The following TNIP1 variants were observed in gnomAD, a reference collection of about 807,000 sequenced individuals.
TNIP1 encodes TNFAIP3 interacting protein 1.
Under a neutral mutation model 86.6 loss-of-function variants are expected in TNIP1, and 22 were observed. The ratio of observed to expected loss-of-function variants is 0.25; its 90% confidence interval spans 0.18 to 0.36. The LOEUF (loss-of-function observed/expected upper bound fraction) is 0.36. TNIP1 is among the 10% of genes least tolerant of loss of function. TNIP1 has a pLI of 1.00. For missense variants in TNIP1, 709 were observed against 820.6 expected, an observed-to-expected ratio of 0.86 and a Z score of 1.66; for synonymous variants, 294 against 313.0, an observed-to-expected ratio of 0.94 and a Z score of 0.64.
rs931571132 is a variant in TNIP1, at chr5:151,064,590, G to A, written c.136+370C>T. Among the ~76,000 whole-genome samples, 33 of 15,420 alleles carry A rather than the reference G, an allele frequency of 2.1e-3. 1 individual carries two copies. The highest frequency in any genetic ancestry group is 0.022 in the Middle Eastern group (1 of 46). 10.1% of individuals were successfully genotyped at this position (15,420 alleles called of 152,430 possible). ...GCTCCCTGCTCCAACACCTAGGAAC[G>A]CGTGCCCCAGTTGCCTGGTCATGCT... On this transcript the variant is annotated intron_variant, in intron 2 of 17. Coordinates refer to ENST00000521591, the MANE Select transcript of TNIP1 (RefSeq NM_006058.5).
chr5:151,044,339 A>T (rs1218061797), intron 9 of TNIP1, among the ~76,000 whole-genome samples: 1 of 152,064 alleles, frequency 6.6e-6, no homozygotes, highest in Non-Finnish European at 1.5e-5. Flanking sequence ...ACCACGCCTG[A>T]CCCAGTTAAT....
At chr5:151,036,650 G>T in intron 13 of TNIP1, 140 bp downstream of exon 13, 1 of 1,271,156 alleles carries the variant, frequency 7.9e-7, no homozygotes, top group Non-Finnish European at 1.1e-6. Flanking sequence ...TAAACCTAGA[G>T]CCAGTGGGGG....
At chr5:151,073,601 C>A (rs533261105) in intron 1 of TNIP1, among the ~76,000 whole-genome samples, 6 of 110,474 alleles carry the variant, frequency 5.4e-5, no homozygotes, top group Non-Finnish European at 1.0e-4. Context: ...TGTGTGTATA[C>A]ATACGGAATC....
intron 12 of TNIP1, among the ~76,000 whole-genome samples, chr5:151,038,393 T>C (rs1325890188): frequency 2.0e-5 from 3 of 151,882 alleles, no homozygotes; most frequent in Non-Finnish European, 4.4e-5. Flanking sequence ...CTTTGAAATG[T>C]GCTGGAAAGC....
chr5:151,045,940 G>A lies in TNIP1; in HGVS notation c.857C>T (p.Thr286Met), dbSNP rs185683917. 287 of 1,613,958 alleles carry A rather than the reference G, an allele frequency of 1.8e-4. No individual in the cohort carries two copies. The East Asian group carries it at 2.7e-3, about 15-fold the overall frequency. ...CACCACCTCTGGGACCTTACCTGCC[G>A]TCACACTAGCCTGGGGAGAAGCACA... ...AVAGQQQASV[T>M]AGKVPEVVAL... The change falls in exon 9 of 18, where the codon ACG (threonine) becomes ATG (methionine). Residue 286 changes from threonine to methionine, a missense_variant. By Grantham distance (81) the Thr-to-Met change is moderately conservative. Coordinates refer to ENST00000521591, the MANE Select transcript of TNIP1 (RefSeq NM_006058.5).
At chr5:151,055,858 G>C (rs1016249596) in intron 6 of TNIP1, among the ~76,000 whole-genome samples, 4 of 152,220 alleles carry the variant, frequency 2.6e-5, no homozygotes, top group African/African-American at 9.6e-5. Context: ...ATCACGAGCA[G>C]TCCCTCAGAA....
intron 1 of TNIP1, among the ~76,000 whole-genome samples, chr5:151,075,401 T>C (rs1763273715): frequency 6.6e-6 from 1 of 152,204 alleles, no homozygotes; most frequent in Non-Finnish European, 1.5e-5. Context: ...GCAGGTTTGC[T>C]ACCTGGGTAT....
At chr5:151,068,255 C>A (rs764000710) in intron 1 of TNIP1, among the ~76,000 whole-genome samples, 3 of 152,180 alleles carry the variant, frequency 2.0e-5, no homozygotes, top group Non-Finnish European at 4.4e-5. Context: ...GTTCTGCTGA[C>A]CTCATGCCCA....
At position 151,036,827 on chromosome 5, in the gene TNIP1, T is replaced by C. The variant is rs1757767000; in HGVS notation, c.1358A>G (p.Gln453Arg). Residue 453 changes from glutamine to arginine, a missense_variant, in exon 13 of 18, where the codon CAG becomes CGG. Transcript: ENST00000521591. ...CAACTCATTCTGCGTGACCAGCTCC[T>C]GTTTCCTTAGGAGGGCCCCTGCTCC... ...PEGAGALLRK[Q>R]ELVTQNELLK... 1.9e-6 allele frequency: 3 copies of C among 1,614,124 alleles called. No individual in the cohort carries two copies. The highest frequency in any genetic ancestry group is 1.1e-5 in the South Asian group (1 of 91,086).
At chr5:151,048,714 A>C (rs1427723605) in intron 8 of TNIP1, among the ~76,000 whole-genome samples, 1 of 152,192 alleles carries the variant, frequency 6.6e-6, no homozygotes, top group Non-Finnish European at 1.5e-5. Context: ...AGAGAACCCA[A>C]GGGAGAACAG....
At chr5:151,076,603 G>A (rs1763423699) in intron 1 of TNIP1, among the ~76,000 whole-genome samples, 1 of 152,140 alleles carries the variant, frequency 6.6e-6, no homozygotes, top group African/African-American at 2.4e-5. Context: ...TGCACACCTC[G>A]TCCTCTGGTG....
intron 6 of TNIP1, 140 bp from the exon 7 acceptor site, chr5:151,052,399 T>C: frequency 1.5e-6 from 1 of 686,272 alleles, no homozygotes; most frequent in Non-Finnish European, 2.5e-6. Flanking sequence ...ACCCCATCCC[T>C]CTCTAAGGAG....
At chr5:151,064,308 A>G (rs1452001787) in intron 2 of TNIP1, among the ~76,000 whole-genome samples, 1 of 152,204 alleles carries the variant, frequency 6.6e-6, no homozygotes, top group East Asian at 1.9e-4. Context: ...CCCCTCTAAA[A>G]CATGAGACTA....
At chr5:151,052,063 G>T in intron 7 of TNIP1, 102 bp downstream of exon 7, 2 of 961,980 alleles carry the variant, frequency 2.1e-6, no homozygotes, top group Non-Finnish European at 3.2e-6. Context: ...TGGGCACAGG[G>T]CCTCAGAGCC....
intron 15 of TNIP1, among the ~76,000 whole-genome samples, 153 bp from the exon 16 acceptor site, chr5:151,033,952 C>CATGGGCAT (rs1239023133): frequency 1.3e-4 from 20 of 152,334 alleles, no homozygotes; most frequent in African/African-American, 4.3e-4. Context: ...TACATGGGTA[C>CATGGGCAT]AGAAATCTGG....
At chr5:151,064,747 C>T (rs565880008) in intron 2 of TNIP1, among the ~76,000 whole-genome samples, 7 of 152,254 alleles carry the variant, frequency 4.6e-5, no homozygotes, top group African/African-American at 4.8e-5. Flanking sequence ...TCCTGGTTTC[C>T]GGGTGCTGAG....
At chr5:151,053,464 T>A (rs969039309) in intron 6 of TNIP1, among the ~76,000 whole-genome samples, 3 of 152,192 alleles carry the variant, frequency 2.0e-5, no homozygotes, top group Non-Finnish European at 4.4e-5. Flanking sequence ...GAGGGACAGA[T>A]GAGACAGTGA....
chr5:151,035,402 C>T (rs1213350480), intron 14 of TNIP1, among the ~76,000 whole-genome samples, 180 bp downstream of exon 14: 2 of 152,210 alleles, frequency 1.3e-5, no homozygotes, highest in South Asian at 2.1e-4. Context: ...GAGTAAAACT[C>T]GTAATTGTAC....
chr5:151,043,095 C>T, intron 9 of TNIP1, 134 bp from the exon 10 acceptor site: 1 of 885,252 alleles, frequency 1.1e-6, no homozygotes. Flanking sequence ...CTGTCTCCAT[C>T]CCTCAGCTCT....
Sources: gnomAD v4.1 joint callset for allele counts (sites outside exome capture counted in the v4.1 genomes callset) on GRCh38, gnomAD v4.1.1 for gene constraint, MANE v1.5 for transcripts, NCBI Gene and HGNC (gene_info 2026-07-23, HGNC 2026-07-21) for gene names.